REEP3: variants seen among roughly 807,000 people sequenced by gnomAD.
REEP3 encodes the protein receptor accessory protein 3, also known as receptor expression-enhancing protein 3.
A neutral mutation model predicts 41.3 loss-of-function variants in REEP3; 20 were observed. The observed-to-expected ratio is 0.48, with a 90% CI of 0.34 to 0.70. The LOEUF is 0.70. Ranked by LOEUF, REEP3 falls within the 30% of genes least tolerant of loss-of-function variation. The pLI, the probability that REEP3 is intolerant of heterozygous loss-of-function variation, is 0.01. For missense variants in REEP3, 271 were observed against 308.8 expected (o/e 0.88, Z 0.92); for synonymous variants, 104 against 101.8 (o/e 1.02, Z -0.13).
At chr10:63,597,401 T>G (rs897868742) in intron 3 of REEP3, among the ~76,000 whole-genome samples, 6 of 152,214 alleles carry the variant, frequency 3.9e-5, no homozygotes, top group African/African-American at 1.4e-4. Context: ...GCTCTGCAGA[T>G]AGGGTGGCCA....
At chr10:63,587,054 A>G (rs949394137) in intron 2 of REEP3, among the ~76,000 whole-genome samples, 2 of 147,820 alleles carry the variant, frequency 1.4e-5, no homozygotes, top group African/African-American at 5.0e-5. Context: ...TATTGTGCCT[A>G]TTTCTAACAA....
intron 1 of REEP3, among the ~76,000 whole-genome samples, chr10:63,527,955 T>G (rs373684915): frequency 8.9e-3 from 1 of 112 alleles, no homozygotes; most frequent in Admixed American, 0.25. Flanking sequence ...TTTTTTTTGT[T>G]TTTTTTTTTT....
At chr10:63,529,445 T>C (rs540221782) in intron 1 of REEP3, among the ~76,000 whole-genome samples, 1 of 143,504 alleles carries the variant, frequency 7.0e-6, no homozygotes, top group South Asian at 2.2e-4. Flanking sequence ...AATGTCATTC[T>C]TTTATTTATT....
chr10:63,533,538 T>C (rs1225544182), intron 1 of REEP3, among the ~76,000 whole-genome samples: 2 of 152,062 alleles, frequency 1.3e-5, no homozygotes, highest in South Asian at 2.1e-4. Context: ...AGTTTTTTTC[T>C]GGTTTTCTGA....
chr10:63,614,428 G>A (rs1956298040), intron 6 of REEP3, among the ~76,000 whole-genome samples: 1 of 152,174 alleles, frequency 6.6e-6, no homozygotes, highest in Non-Finnish European at 1.5e-5. Context: ...CAGCAGCTGG[G>A]CTAGAGTCAT....
chr10:63,545,260 A>G (rs2133355054), intron 1 of REEP3, among the ~76,000 whole-genome samples: 2 of 152,350 alleles, frequency 1.3e-5, no homozygotes, highest in East Asian at 3.9e-4. Context: ...ATCATCTCAA[A>G]TGTTTACCAT....
At chr10:63,534,250 A>ATT (rs374483167) in intron 1 of REEP3, among the ~76,000 whole-genome samples, 35 of 148,886 alleles carry the variant, frequency 2.4e-4, no homozygotes, top group African/African-American at 3.4e-4. Context: ...ATTATTTTTT[A>ATT]TTTTTTTTTT....
At chr10:63,578,140 C>T (rs1042541586) in intron 2 of REEP3, among the ~76,000 whole-genome samples, 1 of 152,164 alleles carries the variant, frequency 6.6e-6, no homozygotes, top group Non-Finnish European at 1.5e-5. Flanking sequence ...TGCTCTGTCA[C>T]CCAGGCTAGA....
chr10:63,573,756 G>A (rs1382212000), intron 2 of REEP3, among the ~76,000 whole-genome samples: 1 of 152,156 alleles, frequency 6.6e-6, no homozygotes, highest in Non-Finnish European at 1.5e-5. Flanking sequence ...AGTGGAAATA[G>A]AAGGGGAAAA....
At chr10:63,542,451 CACAG>C (rs1377007549) in intron 1 of REEP3, among the ~76,000 whole-genome samples, 1 of 152,202 alleles carries the variant, frequency 6.6e-6, no homozygotes, top group African/African-American at 2.4e-5. Context: ...TTCATTAACT[CACAG>C]ACATTGCTGA....
intron 1 of REEP3, among the ~76,000 whole-genome samples, chr10:63,556,614 GTTTT>G (rs77925970): frequency 4.7e-4 from 6 of 12,850 alleles, no homozygotes; most frequent in African/African-American, 1.0e-3. Context: ...CTGTTTGCTT[GTTTT>G]TTTTTTTGTT....
chr10:63,592,023 A>T (rs1238554523), intron 2 of REEP3, among the ~76,000 whole-genome samples: 1 of 152,330 alleles, frequency 6.6e-6, no homozygotes, highest in East Asian at 1.9e-4. Context: ...TTTTCTGTGA[A>T]TTTATTAAAT....
At chr10:63,572,701 A>G (rs1564481887) in intron 2 of REEP3, among the ~76,000 whole-genome samples, 1 of 152,162 alleles carries the variant, frequency 6.6e-6, no homozygotes, top group Non-Finnish European at 1.5e-5. Context: ...ATAGTATCTG[A>G]TGTTATATTC....
chr10:63,572,648 T>C (rs1243568225), intron 2 of REEP3, among the ~76,000 whole-genome samples: 2 of 152,240 alleles, frequency 1.3e-5, no homozygotes, highest in African/African-American at 4.8e-5. Context: ...CTTAGTAAAA[T>C]TAACCTTTTT....
chr10:63,565,791 AT>A (rs1955792360), intron 1 of REEP3, among the ~76,000 whole-genome samples: 1 of 152,004 alleles, frequency 6.6e-6, no homozygotes, highest in Non-Finnish European at 1.5e-5. Context: ...ACCACAGAAT[AT>A]TTTTTGCAAT....
intron 5 of REEP3, among the ~76,000 whole-genome samples, chr10:63,604,993 G>T (rs753402369): frequency 4.6e-5 from 7 of 152,150 alleles, no homozygotes; most frequent in Non-Finnish European, 1.0e-4. Flanking sequence ...CTGAGAGGGG[G>T]CTGCTACTGG....
intron 5 of REEP3, among the ~76,000 whole-genome samples, chr10:63,602,499 G>A (rs1257185043): frequency 1.3e-5 from 2 of 152,104 alleles, no homozygotes; most frequent in East Asian, 1.9e-4. Flanking sequence ...TGGTTCTATG[G>A]AGAAAAACTG....
chr10:63,618,038 CTGGTCTCGAACTCCTGACCTCAGGTGA>C (rs1319315542), intron 6 of REEP3, among the ~76,000 whole-genome samples: 2 of 151,338 alleles, frequency 1.3e-5, no homozygotes, highest in African/African-American at 4.9e-5. Flanking sequence ...GTTGGCCAGG[CTGGTCTCGAACTCCTGACCTCAGGTGA>C]TCCGCCCACC....
At chr10:63,617,812 C>A (rs111838385) in intron 6 of REEP3, among the ~76,000 whole-genome samples, 10 of 83,548 alleles carry the variant, frequency 1.2e-4, no homozygotes, top group African/African-American at 3.1e-4. Context: ...TCCTTCTACT[C>A]TTTTTTTTTT....
Sources: allele counts gnomAD v4.1 joint callset (sites outside exome capture counted in the v4.1 genomes callset), GRCh38; gene constraint gnomAD v4.1.1; transcripts MANE v1.5; gene names NCBI Gene and HGNC (gene_info 2026-07-23, HGNC 2026-07-21).